Variants in DOCK2 observed in about 807,000 individuals in gnomAD.
DOCK2 encodes the protein dedicator of cytokinesis 2.
A neutral mutation model predicts 248.9 loss-of-function variants in DOCK2; 87 were observed. The ratio of observed to expected loss-of-function variants is 0.35; its 90% confidence interval spans 0.29 to 0.42. DOCK2 has a LOEUF of 0.42. DOCK2 is among the 10% of genes least tolerant of loss of function. The pLI is 1.00. For synonymous variants in DOCK2, 805 were observed against 821.6 expected (o/e 0.98, Z 0.35); for missense variants, 1,747 against 2,300.2 (o/e 0.76, Z 4.92).
chr5:170,063,836 G>A (rs1757408376), intron 44 of DOCK2, among the ~76,000 whole-genome samples: 1 of 152,206 alleles, frequency 6.6e-6, no homozygotes, highest in Admixed American at 6.5e-5. Context: ...AGCAGAGGGT[G>A]CGGCCTGAAC....
At position 169,888,888 on chromosome 5, in the gene DOCK2, C is replaced by T. The variant is rs1773125714; in HGVS notation, c.2799+48036C>T. On this transcript the variant is annotated intron_variant, in intron 27 of 51. Coordinates refer to ENST00000520908, the MANE Select transcript of DOCK2 (RefSeq NM_004946.3). The stretch of plus-strand genomic sequence containing the variant: ...TGGGATAGTAAACTGTAGGTGCATT[C>T]ATGGGAAGGAATGTACAAAGATGGC... 4.6e-5 allele frequency among the ~76,000 whole-genome samples: 7 copies of T among 152,172 alleles called. No individual in the cohort carries two copies. The South Asian group carries it at 1.5e-3, about 32-fold the overall frequency.
Position 170,055,214 on chromosome 5 carries a change from G to A in DOCK2, c.4214-91G>A, listed in dbSNP as rs536116296. Reference sequence around the variant, plus strand: ...TTCAGTAAAAATGTGGCCCCATAAAGGCTGGCCTGGAAGGTCTCAGCAAGG... The same window carrying A: ...TTCAGTAAAAATGTGGCCCCATAAAAGCTGGCCTGGAAGGTCTCAGCAAGG... On this transcript the variant is annotated intron_variant, in intron 41 of 51. Coordinates refer to ENST00000520908, the MANE Select transcript of DOCK2 (RefSeq NM_004946.3). The A allele has an allele frequency of 3.0e-5, 39 of 1,283,456 alleles. No individual in the cohort carries two copies. The African/African-American group carries it at 4.4e-4, about 14-fold the overall frequency. The allele number at this position is 1,283,456 out of a possible 1,614,324, so 79.5% of individuals were successfully genotyped here. A position where few individuals can be genotyped will look rare whatever the true frequency, so the allele number is the denominator to read the frequency against.
intron 30 of DOCK2, among the ~76,000 whole-genome samples, chr5:169,997,589 T>C (rs1304436978): frequency 1.4e-5 from 2 of 144,374 alleles, no homozygotes; most frequent in African/African-American, 5.3e-5. Context: ...TAGGGAGTGG[T>C]GATGACTCTT....
chr5:169,721,788 G>A (rs1762220751), intron 22 of DOCK2, among the ~76,000 whole-genome samples: 1 of 152,254 alleles, frequency 6.6e-6, no homozygotes, highest in Admixed American at 6.5e-5. Flanking sequence ...AAGAGTCGTT[G>A]TGGAGAAGGG....
At chr5:170,062,128 T>TGAGA (rs1554129358) in intron 44 of DOCK2, among the ~76,000 whole-genome samples, 6 of 137,912 alleles carry the variant, frequency 4.4e-5, no homozygotes, top group Admixed American at 2.1e-4. Flanking sequence ...TGTGTGTGTG[T>TGAGA]GAGAGAGAGA....
chr5:169,861,893 T>C (rs1771220803), intron 27 of DOCK2, among the ~76,000 whole-genome samples: 1 of 152,222 alleles, frequency 6.6e-6, no homozygotes, highest in East Asian at 1.9e-4. Flanking sequence ...GCTGTATTTC[T>C]AGAAATGTCA....
chr5:169,970,907 T>C (rs1339854923), intron 27 of DOCK2, among the ~76,000 whole-genome samples: 1 of 151,638 alleles, frequency 6.6e-6, no homozygotes, highest in Non-Finnish European at 1.5e-5. Flanking sequence ...AATATACGTA[T>C]GGGAGCTGGG....
intron 26 of DOCK2, among the ~76,000 whole-genome samples, chr5:169,811,829 C>T (rs571654171): frequency 1.3e-5 from 2 of 152,166 alleles, no homozygotes; most frequent in African/African-American, 4.8e-5. Flanking sequence ...TACCTCCCCC[C>T]ACTCTGCATC....
At chr5:169,906,006 A>G (rs1452314184) in intron 27 of DOCK2, among the ~76,000 whole-genome samples, 1 of 152,158 alleles carries the variant, frequency 6.6e-6, no homozygotes, top group Non-Finnish European at 1.5e-5. Context: ...CTCTTACACA[A>G]GGTTTAATAT....
intron 27 of DOCK2, among the ~76,000 whole-genome samples, chr5:169,913,437 C>T (rs1012347100): frequency 6.6e-6 from 1 of 152,208 alleles, no homozygotes; most frequent in Non-Finnish European, 1.5e-5. Context: ...AGAACAAGCT[C>T]ATTGCCAAGG....
intron 23 of DOCK2, among the ~76,000 whole-genome samples, chr5:169,751,938 T>C (rs757114198): frequency 6.6e-6 from 1 of 152,158 alleles, no homozygotes; most frequent in Non-Finnish European, 1.5e-5. Context: ...TTACATGTAT[T>C]CATAGTGCTG....
intron 22 of DOCK2, among the ~76,000 whole-genome samples, chr5:169,724,618 C>T (rs1053417983): frequency 2.0e-5 from 3 of 152,170 alleles, no homozygotes; most frequent in Non-Finnish European, 4.4e-5. Flanking sequence ...ATCTCAGGAG[C>T]ATGGTTCGCA....
At chr5:169,646,031 G>A (rs1757440110) in intron 1 of DOCK2, among the ~76,000 whole-genome samples, 1 of 152,168 alleles carries the variant, frequency 6.6e-6, no homozygotes. Context: ...TTACAGGCAT[G>A]AGCCACCACG....
chr5:169,836,767 G>T (rs1472067627), intron 26 of DOCK2, among the ~76,000 whole-genome samples: 5 of 151,550 alleles, frequency 3.3e-5, no homozygotes, highest in African/African-American at 4.9e-5. Flanking sequence ...AACTAGAGAG[G>T]TATTAAAGAC....
intron 27 of DOCK2, among the ~76,000 whole-genome samples, chr5:169,912,330 G>T (rs1774642364): frequency 6.6e-6 from 1 of 152,116 alleles, no homozygotes; most frequent in South Asian, 2.1e-4. Context: ...AGTGTATTGG[G>T]TTCCTTGGTT....
At position 169,882,183 on chromosome 5, in the gene DOCK2, A is replaced by T. The variant is rs550529006; in HGVS notation, c.2799+41331A>T. 5.3e-5 allele frequency among the ~76,000 whole-genome samples: 8 copies of T among 152,316 alleles called. No individual in the cohort carries two copies. In the South Asian group the frequency reaches 1.5e-3, roughly 28 times the overall value. ...AACAGAAATACTGTACAAATGCAGT[A>T]GCTTGCTAAGAGGAGGGGGATGGGG... On this transcript the variant is annotated intron_variant, in intron 27 of 51. Transcript: ENST00000520908.
Position 169,864,246 on chromosome 5 carries a change from G to A in DOCK2, c.2799+23394G>A, listed in dbSNP as rs141509405. 215 of 1,544,174 alleles carry A rather than the reference G, an allele frequency of 1.4e-4. No homozygotes were observed. In the African/African-American group the frequency reaches 2.4e-3, roughly 17 times the overall value. ...CATCTCAGGGAAGTGCGTGGAGTTGGGGGGCTGGGGGATGGTCCCAACCAG... is the reference window on the plus strand; with the variant it reads ...CATCTCAGGGAAGTGCGTGGAGTTGAGGGGCTGGGGGATGGTCCCAACCAG... On this transcript the variant is annotated intron_variant, in intron 27 of 51. Coordinates refer to ENST00000520908, the MANE Select transcript of DOCK2 (RefSeq NM_004946.3).
At chr5:169,893,303 C>A (rs558134128) in intron 27 of DOCK2, among the ~76,000 whole-genome samples, 2 of 152,164 alleles carry the variant, frequency 1.3e-5, no homozygotes, top group African/African-American at 4.8e-5. Flanking sequence ...CAGGGGAAAG[C>A]CTTTACTACC....
chr5:169,806,739 G>T (rs183083973), intron 26 of DOCK2, among the ~76,000 whole-genome samples: 9 of 152,142 alleles, frequency 5.9e-5, no homozygotes, highest in Admixed American at 5.2e-4. Flanking sequence ...AAACAAATCG[G>T]CAGTCCCCAT....
Sources: gnomAD v4.1 joint callset for allele counts (sites outside exome capture counted in the v4.1 genomes callset) on GRCh38, gnomAD v4.1.1 for gene constraint, MANE v1.5 for transcripts, NCBI Gene and HGNC (gene_info 2026-07-23, HGNC 2026-07-21) for gene names.